Variants in RIN2 observed in about 807,000 individuals in gnomAD.
RIN2 encodes the protein Ras and Rab interactor 2.
RIN2 carries 36 observed loss-of-function variants against 78.0 expected under a neutral mutation model. The ratio of observed to expected loss-of-function variants is 0.46; its 90% CI spans 0.35 to 0.61. The LOEUF is 0.61. RIN2 is among the 20% of genes least tolerant of loss of function. RIN2 has a pLI of 0.00. For synonymous variants in RIN2, 466 were observed against 466.8 expected (o/e 1.00, Z 0.02); for missense variants, 1,087 against 1,159.7 (o/e 0.94, Z 0.91).
intron 2 of RIN2, among the ~76,000 whole-genome samples, chr20:19,805,916 T>C (rs561024347): frequency 6.6e-6 from 1 of 152,094 alleles, no homozygotes; most frequent in Non-Finnish European, 1.5e-5. Flanking sequence ...CCCTATCCTG[T>C]GTCTATGTGT....
chr20:19,787,860 T>C (rs1336283290), intron 1 of RIN2, among the ~76,000 whole-genome samples: 1 of 152,180 alleles, frequency 6.6e-6, no homozygotes, highest in African/African-American at 2.4e-5. Context: ...CTGGCAACCA[T>C]GTTACTACCC....
At chr20:19,793,021 C>T (rs1274606607) in intron 1 of RIN2, among the ~76,000 whole-genome samples, 4 of 150,568 alleles carry the variant, frequency 2.7e-5, no homozygotes, top group African/African-American at 9.9e-5. Flanking sequence ...GTTCAGAATA[C>T]AGCAAATACA....
chr20:19,805,793 T>C (rs935169929), intron 2 of RIN2, among the ~76,000 whole-genome samples: 1 of 152,068 alleles, frequency 6.6e-6, no homozygotes, highest in African/African-American at 2.4e-5. Flanking sequence ...TAGGTATACA[T>C]GTGCCATGGT....
chr20:19,988,899 CT>C lies in RIN2; in HGVS notation c.1763-1105del, dbSNP rs2042704530. On this transcript the variant is annotated intron_variant, in intron 9 of 12. Transcript: ENST00000255006. ...ATCTGCCTCATTCTTCTTTCTCTCT[CT>C]TCACACACACACACACACACGCGTG... 8.0e-5 allele frequency among the ~76,000 whole-genome samples: 12 copies of C among 149,932 alleles called. 1 individual carries two copies. Among genetic ancestry groups the C allele is most frequent in the African/African-American group, 3.0e-4 (12 of 40,426 alleles).
rs1363469102 is a variant in RIN2, at chr20:19,855,349, TG to T, written c.-36-34216del. Among the ~76,000 whole-genome samples the T allele has an allele frequency of 4.6e-5, 7 of 152,294 alleles. No homozygotes were observed. In the East Asian group the frequency reaches 1.4e-3, roughly 29 times the overall value. ...ATATTTGTCTAAAATTCACTTTTTT[TG>T]TTGTGTCTCTGTCAGGCTTTGGTAT... On this transcript the variant is annotated intron_variant, in intron 2 of 12. Transcript: ENST00000255006.
At chr20:19,993,782 ATAGCATGCTTTCCTTCC>A (rs2042871413) in intron 11 of RIN2, among the ~76,000 whole-genome samples, 1 of 150,326 alleles carries the variant, frequency 6.7e-6, no homozygotes, top group Admixed American at 6.6e-5. Flanking sequence ...GTTAGTCTAC[ATAGCATGCTTTCCTTCC>A]TTCCACTGTA....
In RIN2 at chr20:19,990,353, C is replaced by T. The variant is rs376906873; in HGVS notation, c.2068+42C>T. ...CCCAGGCTTCGTGCCGCTTCCCTTC[C>T]GGGCCGGGGACAGGCCTCTCTCCTG... On this transcript the variant is annotated intron_variant, in intron 10 of 12. Transcript: ENST00000255006. 40 of 1,563,656 alleles carry T rather than the reference C, an allele frequency of 2.6e-5. No individual in the cohort carries two copies. In the African/African-American group the frequency reaches 4.1e-4, roughly 16 times the overall value.
chr20:19,825,168 C>T (rs2036050995), intron 2 of RIN2, among the ~76,000 whole-genome samples: 2 of 152,224 alleles, frequency 1.3e-5, no homozygotes, highest in African/African-American at 4.8e-5. Context: ...CTGCCTTCCT[C>T]ACTTCCATAC....
intron 1 of RIN2, among the ~76,000 whole-genome samples, chr20:19,797,468 C>G (rs1380222977): frequency 2.0e-5 from 3 of 152,180 alleles, no homozygotes; most frequent in South Asian, 2.1e-4. Flanking sequence ...TTTATTTGCA[C>G]ATACTTATTT....
At chr20:19,807,498 A>G (rs1304481129) in intron 2 of RIN2, among the ~76,000 whole-genome samples, 1 of 152,034 alleles carries the variant, frequency 6.6e-6, no homozygotes, top group African/African-American at 2.4e-5. Flanking sequence ...GAATCTCTTT[A>G]TCTCAGACCT....
At chr20:19,877,245 T>G (rs922970619) in intron 2 of RIN2, among the ~76,000 whole-genome samples, 3 of 148,570 alleles carry the variant, frequency 2.0e-5, no homozygotes, top group Non-Finnish European at 4.4e-5. Flanking sequence ...TTTCCTATTA[T>G]CTGCAGTAAC....
chr20:19,842,824 C>A (rs986725405), intron 2 of RIN2, among the ~76,000 whole-genome samples: 1 of 151,816 alleles, frequency 6.6e-6, no homozygotes, highest in Admixed American at 6.6e-5. Context: ...GGTAGTGATT[C>A]CTCTGATGGA....
intron 1 of RIN2, among the ~76,000 whole-genome samples, chr20:19,791,402 G>A (rs1295017537): frequency 6.6e-6 from 1 of 152,170 alleles, no homozygotes; most frequent in Non-Finnish European, 1.5e-5. Flanking sequence ...GAGTTACAGT[G>A]CTAAGGCTTA....
At chr20:19,770,860 C>A (rs2034084819) in intron 1 of RIN2, among the ~76,000 whole-genome samples, 2 of 128,216 alleles carry the variant, frequency 1.6e-5, no homozygotes, top group South Asian at 5.7e-4. Flanking sequence ...CTGAGTCTCA[C>A]AAGACTGCCC....
rs2033849458 is a variant in RIN2 at position 19,765,563 on chromosome 20, G to T, written c.-163+7236G>T. On this transcript the variant is annotated intron_variant, in intron 1 of 12. Coordinates refer to ENST00000255006, the MANE Select transcript of RIN2 (RefSeq NM_018993.4). ...CAGCCTAGCAGGGGATACTTACACA[G>T]ACTGGGAAGGGCAGGACAGTGTGGT... is the stretch of plus-strand genomic sequence containing the variant. Among the ~76,000 whole-genome samples, 6 of 152,200 alleles carry T rather than the reference G, an allele frequency of 3.9e-5. No homozygotes were observed. In the South Asian group the frequency reaches 1.2e-3, roughly 31 times the overall value.
At chr20:19,986,786 G>T (rs1326676734) in intron 9 of RIN2, among the ~76,000 whole-genome samples, 1 of 152,192 alleles carries the variant, frequency 6.6e-6, no homozygotes, top group Non-Finnish European at 1.5e-5. Flanking sequence ...GTTGTTTTCT[G>T]TTTTTCTGAT....
chr20:19,867,668 T>C (rs1177656678), intron 2 of RIN2, among the ~76,000 whole-genome samples: 2 of 152,214 alleles, frequency 1.3e-5, no homozygotes, highest in African/African-American at 4.8e-5. Flanking sequence ...AGTGATGCGG[T>C]GGCCTCCTCA....
chr20:19,962,079 T>A (rs1212238503), intron 6 of RIN2, among the ~76,000 whole-genome samples: 2 of 150,988 alleles, frequency 1.3e-5, no homozygotes, highest in African/African-American at 4.9e-5. Flanking sequence ...GGCCAGAGGG[T>A]TGCTTGAGCT....
intron 9 of RIN2, among the ~76,000 whole-genome samples, chr20:19,984,340 C>A (rs1601045165): frequency 6.6e-6 from 1 of 152,158 alleles, no homozygotes; most frequent in East Asian, 1.9e-4. Context: ...ATGGTATATC[C>A]TGCTGCTTCT....
Sources: gnomAD v4.1 joint callset for allele counts (sites outside exome capture counted in the v4.1 genomes callset) on GRCh38, gnomAD v4.1.1 for gene constraint, MANE v1.5 for transcripts, NCBI Gene and HGNC (gene_info 2026-07-23, HGNC 2026-07-21) for gene names.